Variants in CACNA1C observed in about 807,000 individuals in gnomAD.
The protein encoded by CACNA1C is calcium voltage-gated channel subunit alpha1 C.
A neutral mutation model predicts 229.0 loss-of-function variants in CACNA1C; 30 were observed. The ratio of observed to expected loss-of-function variants is 0.13; its 90% CI spans 0.10 to 0.18. The LOEUF (loss-of-function observed/expected upper bound fraction) is 0.18, where lower values mean the gene tolerates loss of function less well. Ranked by LOEUF, CACNA1C falls within the 10% of genes least tolerant of loss-of-function variation. The probability of loss-of-function intolerance (pLI) is 1.00; values close to 1 mark genes in which losing one functional copy is unlikely to be tolerated. For synonymous variants in CACNA1C, 1,114 were observed against 1,132.5 expected, an observed-to-expected ratio of 0.98 and a Z score of 0.33; for missense variants, 1,658 against 2,845.0, an observed-to-expected ratio of 0.58 and a Z score of 9.49.
In CACNA1C at chr12:2,370,022, A is replaced by G. The variant is rs894229135; in HGVS notation, c.478-78954A>G. ...CTGTATAAGGAGATCTTAGAAATCA[A>G]TTAAAGAAACACATCCCCATTAGAA... is the stretch of plus-strand genomic sequence containing the variant. On this transcript the variant is annotated intron_variant, in intron 3 of 46. Transcript: ENST00000399655. Among the ~76,000 whole-genome samples the G allele has an allele frequency of 2.6e-5, 4 of 152,250 alleles. No homozygotes were observed. The South Asian group carries it at 8.3e-4, about 31-fold the overall frequency.
chr12:2,687,833 C>T (rs941411744), intron 45 of CACNA1C, among the ~76,000 whole-genome samples: 1 of 152,248 alleles, frequency 6.6e-6, no homozygotes, highest in East Asian at 1.9e-4. Context: ...GCCACTGCTC[C>T]CAGCCCTGAA....
chr12:2,364,444 G>T (rs190164957), intron 3 of CACNA1C, among the ~76,000 whole-genome samples: 1 of 152,162 alleles, frequency 6.6e-6, no homozygotes, highest in African/African-American at 2.4e-5. Context: ...CTGTAAACCC[G>T]GTGTGGCGGC....
chr12:2,059,965 G>A (rs2056833687), intron 1 of CACNA1C, among the ~76,000 whole-genome samples: 2 of 152,060 alleles, frequency 1.3e-5, no homozygotes, highest in South Asian at 4.1e-4. Flanking sequence ...AATAATTTCT[G>A]CGATGTTAGA....
At chr12:2,318,295 GA>G (rs2095799325) in intron 3 of CACNA1C, among the ~76,000 whole-genome samples, 1 of 152,242 alleles carries the variant, frequency 6.6e-6, no homozygotes, top group Non-Finnish European at 1.5e-5. Flanking sequence ...TTACAGGCCT[GA>G]CAGGTGGCAA....
chr12:2,332,333 A>G (rs2096572043), intron 3 of CACNA1C, among the ~76,000 whole-genome samples: 1 of 152,196 alleles, frequency 6.6e-6, no homozygotes, highest in South Asian at 2.1e-4. Flanking sequence ...ACTTTTCTCT[A>G]AGTTTGAAAT....
chr12:2,404,801 A>ATT (rs77480424), intron 3 of CACNA1C, among the ~76,000 whole-genome samples: 3 of 152,084 alleles, frequency 2.0e-5, no homozygotes, highest in East Asian at 3.9e-4. Flanking sequence ...TTGTGGCTGG[A>ATT]TTTTTTTTGT....
At chr12:2,203,351 C>G (rs899861684) in intron 3 of CACNA1C, among the ~76,000 whole-genome samples, 2 of 152,168 alleles carry the variant, frequency 1.3e-5, no homozygotes, top group African/African-American at 4.8e-5. Context: ...TTTGCAGGGA[C>G]TGTTCGTTGT....
At chr12:2,106,608 AC>A (rs2078795957) in intron 1 of CACNA1C, among the ~76,000 whole-genome samples, 1 of 102,264 alleles carries the variant, frequency 9.8e-6, no homozygotes, top group Non-Finnish European at 2.1e-5. Flanking sequence ...GAGGGTTTCC[AC>A]CTCAGCTGGG....
intron 5 of CACNA1C, among the ~76,000 whole-genome samples, chr12:2,462,453 A>G (rs2099516791): frequency 6.6e-6 from 1 of 151,720 alleles, no homozygotes; most frequent in Admixed American, 6.6e-5. Context: ...ACCTCTCACC[A>G]TCTGCCATTC....
intron 3 of CACNA1C, among the ~76,000 whole-genome samples, chr12:2,194,190 C>T (rs2097328935): frequency 7.5e-6 from 1 of 133,792 alleles, no homozygotes. Context: ...CCTCTTCTTC[C>T]CCTCCTGCTC....
intron 3 of CACNA1C, among the ~76,000 whole-genome samples, chr12:2,220,316 C>CATA: frequency 2.0e-5 from 3 of 152,252 alleles, no homozygotes; most frequent in Admixed American, 6.5e-5. Flanking sequence ...AGTTGTGAGG[C>CATA]CTGTGCATGC....
intron 11 of CACNA1C, among the ~76,000 whole-genome samples, chr12:2,557,335 G>A (rs1419251874): frequency 6.6e-6 from 1 of 152,138 alleles, no homozygotes; most frequent in Non-Finnish European, 1.5e-5. Flanking sequence ...TATAGAACAT[G>A]GTGAGATGTA....
chr12:2,086,944 C>A (rs1011338311), intron 1 of CACNA1C, among the ~76,000 whole-genome samples: 6 of 152,190 alleles, frequency 3.9e-5, no homozygotes, highest in Non-Finnish European at 2.9e-5. Flanking sequence ...TGAGCATGAA[C>A]AGTTGCCATT....
At chr12:2,109,252 G>T (rs75958824) in intron 1 of CACNA1C, among the ~76,000 whole-genome samples, 1 of 152,146 alleles carries the variant, frequency 6.6e-6, no homozygotes, top group Non-Finnish European at 1.5e-5. Context: ...TGCCAGGGGC[G>T]TTGGGCATGT....
chr12:2,118,341 A>G (rs745518502), intron 2 of CACNA1C, among the ~76,000 whole-genome samples: 2 of 152,180 alleles, frequency 1.3e-5, no homozygotes, highest in Non-Finnish European at 2.9e-5. Flanking sequence ...GAAACTGGCC[A>G]GCCTGTGGGC....
At chr12:2,484,213 C>T (rs77649050) in intron 5 of CACNA1C, among the ~76,000 whole-genome samples, 1,865 of 152,166 alleles carry the variant, frequency 0.012, 31 homozygotes, top group Non-Finnish European at 0.015. Flanking sequence ...CTGGGAGTTG[C>T]GTGATGATCC....
chr12:2,665,446 A>G lies in CACNA1C; in HGVS notation c.4399-135A>G. 1.1e-6 allele frequency: 1 copy of G among 922,628 alleles called. No homozygotes were observed. The highest frequency in any genetic ancestry group is 1.7e-6 in the Non-Finnish European group (1 of 585,540). The allele number at this position is 922,628 out of a possible 1,614,324, so 57.2% of individuals were successfully genotyped here. A position where few individuals can be genotyped will look rare whatever the true frequency, so the allele number is the denominator to read the frequency against. ...TTATGTCCAAGAGACCCAGGTTCTC[A>G]GGCTGGTAGGATGGATGACTGGTCT... On this transcript the variant is annotated intron_variant, in intron 35 of 46. Coordinates refer to ENST00000399655, the MANE Select transcript of CACNA1C (RefSeq NM_000719.7). This position sits in a 1 kb window ranked among gnomAD's most constrained non-coding sequence, Gnocchi z 5.9.
chr12:2,609,053 G>A (rs1568763616), intron 27 of CACNA1C, among the ~76,000 whole-genome samples: 1 of 152,250 alleles, frequency 6.6e-6, no homozygotes, highest in Non-Finnish European at 1.5e-5. Flanking sequence ...ATACGGAGGA[G>A]AGAAACTAGA....
chr12:2,585,505 C>A lies in CACNA1C; in HGVS notation c.2460+9C>A. The A allele has an allele frequency of 6.5e-7, 1 of 1,549,390 alleles. No homozygotes were observed. The highest frequency in any genetic ancestry group is 8.7e-7 in the Non-Finnish European group (1 of 1,145,432). On this transcript the variant is annotated intron_variant, in intron 17 of 46. Coordinates refer to ENST00000399655, the MANE Select transcript of CACNA1C (RefSeq NM_000719.7). This position sits in a 1 kb window ranked among gnomAD's most constrained non-coding sequence, Gnocchi z 4.1. The stretch of plus-strand genomic sequence containing the variant: ...CTCCACCCGCCACCAAGGTGAGGAG[C>A]TGTCTCCTTCCTGGAGCTGTGAGGC...
Sources: allele counts gnomAD v4.1 joint callset (sites outside exome capture counted in the v4.1 genomes callset), GRCh38; gene constraint gnomAD v4.1.1; non-coding constraint Gnocchi (gnomAD v3.1); transcripts MANE v1.5; gene names NCBI Gene and HGNC (gene_info 2026-07-23, HGNC 2026-07-21).